FAM131C: variants seen among roughly 807,000 people sequenced by gnomAD.
The protein encoded by FAM131C is family with sequence similarity 131 member C.
Under a neutral mutation model 29.8 loss-of-function variants are expected in FAM131C, and 14 were observed. The ratio of observed to expected loss-of-function variants is 0.47; its 90% CI spans 0.31 to 0.73. The LOEUF (loss-of-function observed/expected upper bound fraction) is 0.73, where lower values mean the gene tolerates loss of function less well. FAM131C is among the 30% of genes least tolerant of loss of function. The probability of loss-of-function intolerance (pLI) is 0.05; values close to 1 mark genes in which losing one functional copy is unlikely to be tolerated. For missense variants in FAM131C, 252 were observed against 383.8 expected, an observed-to-expected ratio of 0.66 and a Z score of 2.87; for synonymous variants, 86 against 157.8, an observed-to-expected ratio of 0.54 and a Z score of 3.41.
At position 16,058,546 on chromosome 1, in the gene FAM131C, C is replaced by T. The variant is rs1291544248; in HGVS notation, c.734G>A (p.Arg245Gln). 24 of 1,527,704 alleles carry T rather than the reference C, an allele frequency of 1.6e-5. No individual in the cohort carries two copies. Among genetic ancestry groups the T allele is most frequent in the Admixed American group, 8.6e-5 (4 of 46,492 alleles). 94.6% of individuals were successfully genotyped at this position (1,527,704 alleles called of 1,614,324 possible). A position where few individuals can be genotyped will look rare whatever the true frequency, so the allele number is the denominator to read the frequency against. The change falls in exon 7 of 7, where the codon CGG becomes CAG. Residue 245 changes from arginine (R) to glutamine (Q), a missense_variant. This residue lies in a region of FAM131C where 42 missense variants were observed against 51.7 expected (regional missense o/e 0.81). Transcript: ENST00000375662. ...GGGTCCTTGGGCCCCGGGCAGCCGC[C>T]GCCGATGCTGCAGCTCTGGGCTGGG... ...QPPSPELQHR[R>Q]RLPGAQGPEG...
intron 1 of FAM131C, among the ~76,000 whole-genome samples, chr1:16,073,019 C>CTG (rs1317384302): frequency 6.6e-6 from 1 of 151,298 alleles, no homozygotes; most frequent in Admixed American, 6.6e-5. Flanking sequence ...CTGGTAAGAC[C>CTG]TGTGTCTTGG....
rs2124135858 is a variant in FAM131C at position 16,069,990 on chromosome 1, CGTG to C, written c.22+3428_22+3430del. On this transcript the variant is annotated intron_variant, in intron 1 of 6. Coordinates refer to ENST00000375662, the MANE Select transcript of FAM131C (RefSeq NM_182623.3). ...ATGTTGCACAGGCTGGTCTTGAACT[CGTG>C]GGCTCAAGCGATCCTCCCGCCTCAG... Among the ~76,000 whole-genome samples the C allele has an allele frequency of 2.0e-5, 3 of 152,246 alleles. No individual in the cohort carries two copies. In the South Asian group the frequency reaches 6.2e-4, roughly 32 times the overall value.
intron 3 of FAM131C, 89 bp from the exon 4 acceptor site, chr1:16,062,281 C>G (rs2023609089): frequency 6.6e-7 from 1 of 1,511,104 alleles, no homozygotes; most frequent in Non-Finnish European, 8.9e-7. Context: ...CGTCTCCCAG[C>G]TCACCAGGTC....
chr1:16,070,638 T>G (rs1050512201), intron 1 of FAM131C, among the ~76,000 whole-genome samples: 2 of 152,156 alleles, frequency 1.3e-5, no homozygotes, highest in Non-Finnish European at 2.9e-5. Flanking sequence ...TTATAATATA[T>G]ACAATATTAA....
intron 1 of FAM131C, among the ~76,000 whole-genome samples, chr1:16,064,238 A>G (rs1007089841): frequency 6.6e-6 from 1 of 150,840 alleles, no homozygotes; most frequent in Non-Finnish European, 1.5e-5. Flanking sequence ...CATGAAACAC[A>G]CCCCCTCCCC....
chr1:16,065,408 G>A (rs374109322), intron 1 of FAM131C, among the ~76,000 whole-genome samples: 5 of 152,316 alleles, frequency 3.3e-5, no homozygotes, highest in East Asian at 1.9e-4. Context: ...TGGTCCCTGC[G>A]CTCACTCTCT....
Position 16,058,352 on chromosome 1 carries a change from T to A in FAM131C, c.*85A>T, listed in dbSNP as rs2023517176. The A allele has an allele frequency of 1.5e-6, 2 of 1,365,154 alleles. No homozygotes were observed. Among genetic ancestry groups the A allele is most frequent in the Non-Finnish European group, 1.9e-6 (2 of 1,032,122 alleles). The allele number at this position is 1,365,154 out of a possible 1,614,324, so 84.6% of individuals were successfully genotyped here. On this transcript the variant is annotated 3_prime_UTR_variant, in exon 7 of 7. Coordinates refer to ENST00000375662, the MANE Select transcript of FAM131C (RefSeq NM_182623.3). ...CGAGGGGTCAAGGGATGCCCTGCCC[T>A]GGACCCCGGGGTCCAGATATGCCTG...
chr1:16,063,429 A>G (rs2023633018), intron 2 of FAM131C, 92 bp downstream of exon 2: 1 of 999,342 alleles, frequency 1.0e-6, no homozygotes, highest in Non-Finnish European at 1.6e-6. Context: ...GCAGGGAAGG[A>G]AGGAGACTGG....
chr1:16,065,667 T>G (rs566446207), intron 1 of FAM131C, among the ~76,000 whole-genome samples: 110 of 152,310 alleles, frequency 7.2e-4, no homozygotes, highest in African/African-American at 2.4e-3. Flanking sequence ...CTCTTTTGTC[T>G]GGGATCCGAA....
intron 1 of FAM131C, among the ~76,000 whole-genome samples, chr1:16,071,610 G>A: frequency 6.6e-6 from 1 of 152,172 alleles, no homozygotes; most frequent in East Asian, 1.9e-4. Flanking sequence ...ACTGCCAGGG[G>A]CCCCGTCCTC....
chr1:16,072,429 T>C (rs1331511852), intron 1 of FAM131C, among the ~76,000 whole-genome samples: 1 of 151,964 alleles, frequency 6.6e-6, no homozygotes, highest in Non-Finnish European at 1.5e-5. Context: ...ATGGGTGTGG[T>C]GGTGGTCAGT....
intron 1 of FAM131C, among the ~76,000 whole-genome samples, chr1:16,070,342 G>C (rs975164742): frequency 1.2e-4 from 18 of 152,332 alleles, no homozygotes; most frequent in African/African-American, 3.6e-4. Context: ...AGCATTTGTT[G>C]CCTTAATCTG....
chr1:16,061,596 G>T (rs948996974), intron 4 of FAM131C, among the ~76,000 whole-genome samples: 5 of 152,160 alleles, frequency 3.3e-5, no homozygotes, highest in African/African-American at 9.7e-5. Flanking sequence ...CCCTTGCCTT[G>T]GGGTGTCATC....
At position 16,058,263 on chromosome 1, in the gene FAM131C, C is replaced by T. The variant is rs144487379; in HGVS notation, c.*174G>A. ...GCTCCCACTGCTGGGGCAGGTCCAC[C>T]GAGGCACAGAGAGGCCACCATGAGC... On this transcript the variant is annotated 3_prime_UTR_variant, in exon 7 of 7. Coordinates refer to ENST00000375662, the MANE Select transcript of FAM131C (RefSeq NM_182623.3). 1.5e-3 allele frequency: 733 copies of T among 492,232 alleles called. 3 individuals are homozygous for T. The East Asian group carries it at 0.022, about 15-fold the overall frequency. The allele number at this position is 492,232 out of a possible 1,614,324, so 30.5% of individuals were successfully genotyped here. A position where few individuals can be genotyped will look rare whatever the true frequency, so the allele number is the denominator to read the frequency against.
chr1:16,063,004 C>G (rs1278902778), intron 2 of FAM131C, among the ~76,000 whole-genome samples: 1 of 151,998 alleles, frequency 6.6e-6, no homozygotes, highest in East Asian at 1.9e-4. Context: ...TGCCACAGAC[C>G]CTGGAGCAAG....
In FAM131C at chr1:16,062,531, T is replaced by C. The variant is rs2863458; in HGVS notation, c.142A>G (p.Lys48Glu). ...GGATCCCAACAGAAATCCATCTGTT[T>C]GTCCTAAAACAAGAGGAGAGAGAGG... ...VAPDCVIGKD[K>E]QMDFCWDPWQ... Residue 48 changes from lysine to glutamate, a missense_variant, in exon 3 of 7, where the codon AAA becomes GAA. Lys to Glu is a moderately conservative substitution (Grantham distance 56). Transcript: ENST00000375662. 437,254 of 1,564,810 alleles carry C rather than the reference T, an allele frequency of 0.28. 58,952 individuals are homozygous for C. The highest frequency in any genetic ancestry group is 0.41 in the Admixed American group (21,689 of 53,396).
intron 1 of FAM131C, among the ~76,000 whole-genome samples, chr1:16,065,960 C>T (rs1033516344): frequency 1.3e-5 from 2 of 151,806 alleles, no homozygotes; most frequent in African/African-American, 4.8e-5. Context: ...AGTACAGTGG[C>T]GTGATCTCGA....
intron 4 of FAM131C, among the ~76,000 whole-genome samples, 188 bp from the exon 5 acceptor site, chr1:16,060,239 T>C (rs9442231): frequency 0.49 from 56,409 of 115,622 alleles, 21,095 homozygotes; most frequent in Middle Eastern, 0.66. Context: ...TCCAAAGCCT[T>C]CTGCTCACTC....
At chr1:16,063,664 C>G in intron 1 of FAM131C, 28 bp from the exon 2 acceptor site, 1 of 1,460,614 alleles carries the variant, frequency 6.8e-7, no homozygotes, top group African/African-American at 1.4e-5. Context: ...AGGAGGAACT[C>G]AGCAAAGCCC....
Sources: allele counts gnomAD v4.1 joint callset (sites outside exome capture counted in the v4.1 genomes callset), GRCh38; gene constraint gnomAD v4.1.1; regional missense constraint gnomAD v4.1.1; transcripts MANE v1.5; gene names NCBI Gene and HGNC (gene_info 2026-07-23, HGNC 2026-07-21).